The following C9orf78 variants were observed in gnomAD, a reference collection of about 807,000 sequenced individuals.
C9orf78 encodes splicing factor C9orf78.
In C9orf78, 19 loss-of-function variants were observed where a neutral mutation model predicts 37.4. The ratio of observed to expected loss-of-function variants is 0.51; its 90% CI spans 0.35 to 0.74. The LOEUF is 0.74. C9orf78 is among the 30% of genes least tolerant of loss of function. The probability of loss-of-function intolerance (pLI) is 0.01; values close to 1 mark genes in which losing one functional copy is unlikely to be tolerated. For synonymous variants in C9orf78, 130 were observed against 128.0 expected (o/e 1.02, Z -0.10); for missense variants, 291 against 370.8 (o/e 0.78, Z 1.77).
Position 129,833,622 on chromosome 9 carries a change from C to G in C9orf78, c.195+36G>C, listed in dbSNP as rs748911333. On this transcript the variant is annotated intron_variant, in intron 3 of 8. Coordinates refer to ENST00000372447, the MANE Select transcript of C9orf78 (RefSeq NM_016520.3). ...TCACTGAAGAGCACTGCAGGGAGGG[C>G]TGCCATAACTACTCAGGGAAGACCC... The G allele has an allele frequency of 6.5e-6, 10 of 1,531,188 alleles. No individual in the cohort carries two copies. In the Admixed American group the frequency reaches 6.7e-5, roughly 10 times the overall value. The allele number at this position is 1,531,188 out of a possible 1,614,324, so 94.9% of individuals were successfully genotyped here.
chr9:129,829,579 T>C (rs753765188), intron 6 of C9orf78, 38 bp from the exon 7 acceptor site: 5 of 1,596,318 alleles, frequency 3.1e-6, no homozygotes, highest in South Asian at 1.1e-5. Context: ...TAGAAGATGA[T>C]AGCACCTTAC....
chr9:129,827,998 G>T lies in C9orf78; in HGVS notation c.*163C>A. 2.2e-6 allele frequency: 1 copy of T among 457,890 alleles called. No individual in the cohort carries two copies. Among genetic ancestry groups the T allele is most frequent in the Non-Finnish European group, 4.3e-6 (1 of 231,314 alleles). 28.4% of individuals were successfully genotyped at this position (457,890 alleles called of 1,614,324 possible). On this transcript the variant is annotated 3_prime_UTR_variant, in exon 9 of 9. Transcript: ENST00000372447. ...AGTAGAGACTGGGTTTCTCCATGTT[G>T]GTCAGGCTGGTCTCAAACTCCCGAC...
At chr9:129,834,359 AT>A (rs2031617771) in intron 2 of C9orf78, 1 of 268,056 alleles carries the variant, frequency 3.7e-6, no homozygotes, top group African/African-American at 2.2e-5. Flanking sequence ...AACACTGATC[AT>A]TTCCGGATGG....
rs199549692 is a variant in C9orf78 at position 129,829,174 on chromosome 9, C to G, written c.778+31G>C. 4.4e-5 allele frequency: 67 copies of G among 1,509,268 alleles called. No individual in the cohort carries two copies. The African/African-American group carries it at 8.8e-4, about 20-fold the overall frequency. 93.5% of individuals were successfully genotyped at this position (1,509,268 alleles called of 1,614,324 possible). A position where few individuals can be genotyped will look rare whatever the true frequency, so the allele number is the denominator to read the frequency against. On this transcript the variant is annotated intron_variant, in intron 8 of 8. Coordinates refer to ENST00000372447, the MANE Select transcript of C9orf78 (RefSeq NM_016520.3). ...TGGGTTCCCACATTGCTGAGCACTC[C>G]AGGCAGCCCCGAGGCCTTTGTTGCA...
chr9:129,832,997 A>ATG (rs759388385), intron 4 of C9orf78, among the ~76,000 whole-genome samples: 3,115 of 108,184 alleles, frequency 0.029, 36 homozygotes, highest in Middle Eastern at 0.064. Context: ...ATATATATAT[A>ATG]TGTGTGTGTG....
At chr9:129,833,065 ATATGTGTG>A (rs2031549953) in intron 4 of C9orf78, among the ~76,000 whole-genome samples, 1 of 101,594 alleles carries the variant, frequency 9.8e-6, no homozygotes, top group Non-Finnish European at 2.4e-5. Flanking sequence ...ATGTGTGTAC[ATATGTGTG>A]TGTGTGTGTG....
chr9:129,832,960 C>T (rs892135943), intron 4 of C9orf78, among the ~76,000 whole-genome samples: 7 of 151,240 alleles, frequency 4.6e-5, no homozygotes, highest in Admixed American at 3.3e-4. Flanking sequence ...CAGATATATA[C>T]ACACACATAT....
intron 8 of C9orf78, 72 bp from the exon 9 acceptor site, chr9:129,828,324 C>T (rs2031397519): frequency 1.1e-6 from 1 of 883,836 alleles, no homozygotes; most frequent in Non-Finnish European, 1.9e-6. Flanking sequence ...TCCATGCAGG[C>T]AAAGACAACT....
chr9:129,830,954 G>C lies in C9orf78; in HGVS notation c.459C>G (p.Ile153Met). 1 of 1,613,364 alleles carries C rather than the reference G, an allele frequency of 6.2e-7. No individual in the cohort carries two copies. Among genetic ancestry groups the C allele is most frequent in the Non-Finnish European group, 8.5e-7 (1 of 1,179,302 alleles). The change falls in exon 6 of 9, where the codon ATC becomes ATG. Residue 153 changes from isoleucine (I) to methionine (M), a missense_variant. By Grantham distance (10) the Ile-to-Met change is conservative. Around this residue, in one of 3 missense-constraint regions of C9orf78, gnomAD observed 13 missense variants for 47.3 expected, o/e 0.27. Coordinates refer to ENST00000372447, the MANE Select transcript of C9orf78 (RefSeq NM_016520.3). Reference protein sequence around the residue: ...EDCLYELPENIRVSSAKKTEE... With the variant: ...EDCLYELPENMRVSSAKKTEE... ...CGGTCTTCTTTGCTGAGGAAACACGGATGTTTTCTGGAAGTTCATAAAGAC... is the reference window on the plus strand; with the variant it reads ...CGGTCTTCTTTGCTGAGGAAACACGCATGTTTTCTGGAAGTTCATAAAGAC...
At position 129,835,267 on chromosome 9, in the gene C9orf78, G is replaced by A. The variant is rs907424642; in HGVS notation, c.-46C>T. 4.2e-6 allele frequency: 6 copies of A among 1,412,240 alleles called. No homozygotes were observed. The African/African-American group carries it at 8.8e-5, about 21-fold the overall frequency. The allele number at this position is 1,412,240 out of a possible 1,614,324, so 87.5% of individuals were successfully genotyped here. A position where few individuals can be genotyped will look rare whatever the true frequency, so the allele number is the denominator to read the frequency against. Reference sequence around the variant, plus strand: ...ACAGCCGCCGCGCCTCTGCGCAGCGGCCCAGGCTGCTTCCGGCGCGCGGCA... The same window carrying A: ...ACAGCCGCCGCGCCTCTGCGCAGCGACCCAGGCTGCTTCCGGCGCGCGGCA... On this transcript the variant is annotated 5_prime_UTR_variant, in exon 1 of 9. Coordinates refer to ENST00000372447, the MANE Select transcript of C9orf78 (RefSeq NM_016520.3).
At chr9:129,833,011 G>GTA (rs1198150874) in intron 4 of C9orf78, among the ~76,000 whole-genome samples, 71 of 142,080 alleles carry the variant, frequency 5.0e-4, no homozygotes, top group African/African-American at 1.6e-3. Flanking sequence ...GTGTGTGTGT[G>GTA]TGTGTATATG....
intron 5 of C9orf78, chr9:129,831,373 A>G (rs547480671): frequency 5.0e-6 from 2 of 399,910 alleles, no homozygotes; most frequent in Non-Finnish European, 9.0e-6. Flanking sequence ...TTATCCCTGC[A>G]ATGTTTTGGG....
At chr9:129,834,470 A>G (rs1054298385) in intron 2 of C9orf78, 34 of 471,902 alleles carry the variant, frequency 7.2e-5, no homozygotes, top group Non-Finnish European at 1.2e-4. Flanking sequence ...GTTTTAATAA[A>G]AAACGCGAGT....
chr9:129,828,409 G>C lies in C9orf78; in HGVS notation c.779-157C>G, dbSNP rs557237347. The C allele has an allele frequency of 1.4e-4, 58 of 415,614 alleles. No individual in the cohort carries two copies. In the African/African-American group the frequency reaches 3.4e-3, roughly 24 times the overall value. The allele number at this position is 415,614 out of a possible 1,614,324, so 25.7% of individuals were successfully genotyped here. On this transcript the variant is annotated intron_variant, in intron 8 of 8. Transcript: ENST00000372447. ...GTAGGGCCTCAGTAGATACGTATTT[G>C]TCTTTTTTTTTTTCTTTTCTTTTCT... is the stretch of plus-strand genomic sequence containing the variant.
intron 2 of C9orf78, chr9:129,833,992 T>C (rs1042332473): frequency 9.2e-5 from 39 of 422,958 alleles, no homozygotes; most frequent in African/African-American, 7.6e-4. Flanking sequence ...ATTTCTAAGA[T>C]ATTCTCATCA....
intron 4 of C9orf78, among the ~76,000 whole-genome samples, chr9:129,833,064 CATATGT>C (rs1222196686): frequency 1.0e-5 from 1 of 99,498 alleles, no homozygotes; most frequent in Non-Finnish European, 2.3e-5. Context: ...TATGTGTGTA[CATATGT>C]GTGTGTGTGT....
In C9orf78 at chr9:129,829,481, C is replaced by A; in HGVS notation, c.603G>T (p.Gln201His). ...TCTCGCTGTCTTTCTTCTTGTTCTG[C>A]TGCTCTGCCAGCAGACGGGCCTTGG... is the stretch of plus-strand genomic sequence containing the variant. ...EDAKARLLAE[Q>H]QNKKKDSETS... Residue 201 changes from glutamine to histidine, a missense_variant, in exon 7 of 9, where the codon CAG (glutamine) becomes CAT (histidine). Transcript: ENST00000372447. 6.2e-7 allele frequency: 1 copy of A among 1,613,940 alleles called. No individual in the cohort carries two copies. The highest frequency in any genetic ancestry group is 8.5e-7 in the Non-Finnish European group (1 of 1,179,866).
At chr9:129,832,334 A>T (rs2131015220) in intron 4 of C9orf78, among the ~76,000 whole-genome samples, 1 of 152,354 alleles carries the variant, frequency 6.6e-6, no homozygotes, top group African/African-American at 2.4e-5. Flanking sequence ...GCTTTAAATC[A>T]TCTCTAGATT....
chr9:129,834,516 G>T, intron 2 of C9orf78, 191 bp downstream of exon 2: 1 of 540,790 alleles, frequency 1.8e-6, no homozygotes, highest in Non-Finnish European at 3.3e-6. Flanking sequence ...AGCACACCCC[G>T]AGACGACACA....
Sources: allele counts gnomAD v4.1 joint callset (sites outside exome capture counted in the v4.1 genomes callset), GRCh38; gene constraint gnomAD v4.1.1; regional missense constraint gnomAD v4.1.1; transcripts MANE v1.5; gene names NCBI Gene and HGNC (gene_info 2026-07-23, HGNC 2026-07-21).